Variants in COLEC10 observed in about 807,000 individuals in gnomAD.
COLEC10 encodes the protein collectin subfamily member 10.
COLEC10 carries 22 observed loss-of-function variants against 28.4 expected under a neutral mutation model. The ratio of observed to expected loss-of-function variants is 0.78; its 90% CI spans 0.55 to 1.11. The LOEUF is 1.11. Ranked by LOEUF, COLEC10 falls within the 50% of genes least tolerant of loss-of-function variation. COLEC10 has a pLI of 0.00. For missense variants in COLEC10, 361 were observed against 344.1 expected (o/e 1.05, Z -0.39); for synonymous variants, 125 against 116.1 (o/e 1.08, Z -0.49).
intron 1 of COLEC10, among the ~76,000 whole-genome samples, chr8:118,996,328 G>A (rs1219979204): frequency 1.3e-5 from 2 of 152,110 alleles, no homozygotes; most frequent in African/African-American, 4.8e-5. Flanking sequence ...ACATGGGACG[G>A]CGCATATCAC....
chr8:119,037,408 G>GAT (rs1355495111), intron 2 of COLEC10, among the ~76,000 whole-genome samples: 1 of 151,896 alleles, frequency 6.6e-6, no homozygotes, highest in African/African-American at 2.4e-5. Context: ...TTCTAAACTT[G>GAT]ATATTTTTTT....
At chr8:118,968,600 C>T in the COLEC10 span, among the ~76,000 whole-genome samples, 12 of 150,236 alleles carry the variant, frequency 8.0e-5, no homozygotes, top group Non-Finnish European at 1.0e-4. Context: ...TATATATATA[C>T]GTATATGTAT....
chr8:119,103,734 C>A, intron 4 of COLEC10, 66 bp from the exon 5 acceptor site: 1 of 918,864 alleles, frequency 1.1e-6, no homozygotes, highest in Non-Finnish European at 1.8e-6. Context: ...GGAAAGAGAG[C>A]AAATGTTCCT....
chr8:119,092,220 C>T (rs1358094761), intron 3 of COLEC10, among the ~76,000 whole-genome samples: 2 of 151,062 alleles, frequency 1.3e-5, no homozygotes, highest in African/African-American at 2.4e-5. Flanking sequence ...CAGATGCCCA[C>T]CACCACGCCC....
chr8:119,089,732 G>T lies in COLEC10; in HGVS notation c.201G>T (p.Val67=), dbSNP rs1372668064. Residue 67 remains valine (V), a synonymous_variant, in exon 2 of 6, where the codon GTG becomes GTT. Transcript: ENST00000332843. ...GAGAAGAGGGAAAGCATGGCAAAGT[G>T]GGACGCATGGGGCCGAAAGGTAACT... ...DPGEEGKHGK[V]GRMGPKGIKG... is the part of the protein sequence containing the mutation. 6.2e-7 allele frequency: 1 copy of T among 1,613,408 alleles called. No homozygotes were observed. The highest frequency in any genetic ancestry group is 8.5e-7 in the Non-Finnish European group (1 of 1,179,576).
intron 2 of COLEC10, among the ~76,000 whole-genome samples, chr8:119,034,845 C>CATGGA: frequency 6.6e-6 from 1 of 152,160 alleles, no homozygotes; most frequent in Non-Finnish European, 1.5e-5. Flanking sequence ...CTCCATTTCT[C>CATGGA]ATCTGTAAAT....
intron 2 of COLEC10, among the ~76,000 whole-genome samples, chr8:119,034,004 A>C (rs28847314): frequency 0.58 from 88,702 of 152,036 alleles, 26,566 homozygotes; most frequent in African/African-American, 0.72. Flanking sequence ...ATGCCCATCA[A>C]TAAATAGACT....
chr8:119,000,862 A>AT (rs1813683787), intron 1 of COLEC10, among the ~76,000 whole-genome samples: 1 of 152,172 alleles, frequency 6.6e-6, no homozygotes, highest in Non-Finnish European at 1.5e-5. Context: ...GCTGAGGGTG[A>AT]TTGCAGGAAA....
At chr8:119,007,993 C>A (rs1813834825) in intron 1 of COLEC10, among the ~76,000 whole-genome samples, 1 of 150,712 alleles carries the variant, frequency 6.6e-6, no homozygotes, top group Admixed American at 6.6e-5. Flanking sequence ...TATAATTTTA[C>A]TAAGTACAAA....
chr8:118,986,527 T>C, the COLEC10 span, among the ~76,000 whole-genome samples: 1 of 152,126 alleles, frequency 6.6e-6, no homozygotes, highest in Non-Finnish European at 1.5e-5. Flanking sequence ...AAAATTATTT[T>C]ACAGTGCTAA....
chr8:119,036,489 A>T (rs1320610240), intron 2 of COLEC10, among the ~76,000 whole-genome samples: 2 of 152,324 alleles, frequency 1.3e-5, no homozygotes, highest in South Asian at 4.1e-4. Flanking sequence ...TAGTAAGTAT[A>T]TTGAACATTT....
At chr8:119,083,426 G>A (rs371685554) in intron 1 of COLEC10, among the ~76,000 whole-genome samples, 81 of 152,216 alleles carry the variant, frequency 5.3e-4, no homozygotes, top group African/African-American at 1.2e-3. Context: ...CTGTGGATAC[G>A]GTCTAAACCA....
At chr8:118,986,927 C>A in the COLEC10 span, among the ~76,000 whole-genome samples, 1 of 152,062 alleles carries the variant, frequency 6.6e-6, no homozygotes, top group African/African-American at 2.4e-5. Flanking sequence ...AAGGGGATTT[C>A]TTTTAGGGTG....
intron 2 of COLEC10, among the ~76,000 whole-genome samples, chr8:119,049,588 G>A (rs1217118663): frequency 6.6e-6 from 1 of 151,420 alleles, no homozygotes; most frequent in African/African-American, 2.4e-5. Context: ...CTAATTTTTT[G>A]TATTTTTAGT....
chr8:119,062,205 G>A (rs1814868191), intron 2 of COLEC10, among the ~76,000 whole-genome samples: 1 of 151,982 alleles, frequency 6.6e-6, no homozygotes, highest in Non-Finnish European at 1.5e-5. Context: ...GGAAGATGTA[G>A]ACCTAGGAAT....
intron 3 of COLEC10, among the ~76,000 whole-genome samples, chr8:119,099,206 G>A (rs1001235355): frequency 6.6e-6 from 1 of 151,848 alleles, no homozygotes; most frequent in African/African-American, 2.4e-5. Flanking sequence ...CCACTCATTG[G>A]CCAAAATCAG....
At chr8:119,016,003 C>G (rs1250672766) in intron 2 of COLEC10, among the ~76,000 whole-genome samples, 6 of 152,108 alleles carry the variant, frequency 3.9e-5, no homozygotes, top group Non-Finnish European at 7.4e-5. Flanking sequence ...ATCATTCTAC[C>G]TTTTACAAAT....
At chr8:119,054,647 C>T (rs1814733108) in intron 2 of COLEC10, among the ~76,000 whole-genome samples, 1 of 152,132 alleles carries the variant, frequency 6.6e-6, no homozygotes, top group African/African-American at 2.4e-5. Context: ...TGGGTCCTGT[C>T]CCTAGATTCT....
chr8:119,084,459 T>C (rs879313252), intron 1 of COLEC10, among the ~76,000 whole-genome samples: 1 of 152,142 alleles, frequency 6.6e-6, no homozygotes, highest in Non-Finnish European at 1.5e-5. Context: ...GAAGAGAAAA[T>C]GGAATTATTT....
Sources: allele counts gnomAD v4.1 joint callset (sites outside exome capture counted in the v4.1 genomes callset), GRCh38; gene constraint gnomAD v4.1.1; transcripts MANE v1.5; gene names NCBI Gene and HGNC (gene_info 2026-07-23, HGNC 2026-07-21).